Variants in PITPNA observed in about 807,000 individuals in gnomAD.
PITPNA encodes the protein phosphatidylinositol transfer protein alpha, also known as phosphatidylinositol transfer protein alpha isoform.
In PITPNA, 13 loss-of-function variants were observed where a neutral mutation model predicts 50.3. The ratio of observed to expected loss-of-function variants is 0.26; its 90% confidence interval spans 0.17 to 0.41. PITPNA has a LOEUF of 0.41. Among genes scored for constraint, PITPNA ranks in the 10% least tolerant of loss-of-function variants. The pLI is 1.00. For synonymous variants in PITPNA, 120 were observed against 119.6 expected, an observed-to-expected ratio of 1.00 and a Z score of -0.02; for missense variants, 207 against 333.4, an observed-to-expected ratio of 0.62 and a Z score of 2.95.
chr17:1,518,075 A>G lies in PITPNA; in HGVS notation c.*2486T>C, dbSNP rs1320375967. ...ACAAAAAGGCACAAACTCACATTAA[A>G]TAAACAAGGTAATCTAATCAATTCT... On this transcript the variant is annotated 3_prime_UTR_variant, in exon 12 of 12. Transcript: ENST00000313486. The G allele has an allele frequency of 1.3e-5, 2 of 152,680 alleles. No individual in the cohort carries two copies. Among genetic ancestry groups the G allele is most frequent in the African/African-American group, 4.8e-5 (2 of 41,470 alleles). 9.5% of individuals were successfully genotyped at this position (152,680 alleles called of 1,614,324 possible). A position where few individuals can be genotyped will look rare whatever the true frequency, so the allele number is the denominator to read the frequency against.
rs2075478361 is a variant in PITPNA, at chr17:1,518,093, T to G, written c.*2468A>C. On this transcript the variant is annotated 3_prime_UTR_variant, in exon 12 of 12. Transcript: ENST00000313486. ...ACATTAAATAAACAAGGTAATCTAA[T>G]CAATTCTACAAAGTGTAGTTTGTAA... is the stretch of plus-strand genomic sequence containing the variant. The G allele has an allele frequency of 6.6e-6, 1 of 152,628 alleles. No homozygotes were observed. Among genetic ancestry groups the G allele is most frequent in the Non-Finnish European group, 1.5e-5 (1 of 68,046 alleles). The allele number at this position is 152,628 out of a possible 1,614,324, so 9.5% of individuals were successfully genotyped here. A position where few individuals can be genotyped will look rare whatever the true frequency, so the allele number is the denominator to read the frequency against.
At chr17:1,551,144 T>C (rs943797821) in intron 3 of PITPNA, among the ~76,000 whole-genome samples, 4 of 151,384 alleles carry the variant, frequency 2.6e-5, no homozygotes, top group Admixed American at 6.6e-5. Flanking sequence ...CCTGATGCGA[T>C]AAGAAGGGCG....
At chr17:1,541,701 C>G (rs1246693535) in intron 5 of PITPNA, 61 bp from the exon 6 acceptor site, 1 of 1,063,962 alleles carries the variant, frequency 9.4e-7, no homozygotes, top group Non-Finnish European at 1.4e-6. Flanking sequence ...GTAACCATCT[C>G]CCATTACTGG....
At chr17:1,539,894 G>A (rs924522980) in intron 6 of PITPNA, among the ~76,000 whole-genome samples, 9 of 152,190 alleles carry the variant, frequency 5.9e-5, no homozygotes, top group African/African-American at 1.4e-4. Context: ...GGGCTACCAC[G>A]CCCAGCTAAT....
At chr17:1,549,131 C>T (rs1184140518) in intron 3 of PITPNA, among the ~76,000 whole-genome samples, 1 of 151,852 alleles carries the variant, frequency 6.6e-6, no homozygotes, top group Non-Finnish European at 1.5e-5. Flanking sequence ...TGGTCTTGAA[C>T]TCCTGACCTC....
Position 1,523,776 on chromosome 17 carries a change from T to C in PITPNA, c.769-2131A>G, listed in dbSNP as rs146661817. On this transcript the variant is annotated intron_variant, in intron 10 of 11. Coordinates refer to ENST00000313486, the MANE Select transcript of PITPNA (RefSeq NM_006224.4). ...TGCCTGCCTCAGCCTCCCAAAGTGC[T>C]GGGATTACAGGCGTGAGCCACTGCA... Among the ~76,000 whole-genome samples, 1,055 of 152,288 alleles carry C rather than the reference T, an allele frequency of 6.9e-3. 17 individuals are homozygous for C. The highest frequency in any genetic ancestry group is 0.024 in the African/African-American group (1,011 of 41,582).
rs563228853 is a variant in PITPNA at position 1,522,134 on chromosome 17, C to T, written c.769-489G>A. Among the ~76,000 whole-genome samples, 1,148 of 149,132 alleles carry T rather than the reference C, an allele frequency of 7.7e-3. 31 individuals carry two copies. Among genetic ancestry groups the T allele is most frequent in the African/African-American group, 0.027 (1,075 of 39,622 alleles). On this transcript the variant is annotated intron_variant, in intron 10 of 11. Coordinates refer to ENST00000313486, the MANE Select transcript of PITPNA (RefSeq NM_006224.4). Reference sequence around the variant, plus strand: ...GGCCGGACTGCGGACTGCAGTGGCGCAATCTCGGCTCACTGCAAGCTCCGC... The same window carrying T: ...GGCCGGACTGCGGACTGCAGTGGCGTAATCTCGGCTCACTGCAAGCTCCGC...
At chr17:1,556,161 G>C (rs1015338943) in intron 2 of PITPNA, among the ~76,000 whole-genome samples, 1 of 152,106 alleles carries the variant, frequency 6.6e-6, no homozygotes, top group Non-Finnish European at 1.5e-5. Flanking sequence ...TTTCTTCTTC[G>C]GCCTTCCCCT....
rs73298824 is a variant in PITPNA, at chr17:1,561,511, G to A, written c.20+1030C>T. Among the ~76,000 whole-genome samples, 1,313 of 151,952 alleles carry A rather than the reference G, an allele frequency of 8.6e-3. 22 individuals carry two copies. The highest frequency in any genetic ancestry group is 0.03 in the African/African-American group (1,248 of 41,410). On this transcript the variant is annotated intron_variant, in intron 1 of 11. Transcript: ENST00000313486. ...TGCCCTGGTCTCCCCCATCTCCAACGGCAGGTATACTCATCCCAACATACT... is the reference window on the plus strand; with the variant it reads ...TGCCCTGGTCTCCCCCATCTCCAACAGCAGGTATACTCATCCCAACATACT...
At chr17:1,533,259 G>T (rs1002101270) in intron 10 of PITPNA, among the ~76,000 whole-genome samples, 23 of 151,944 alleles carry the variant, frequency 1.5e-4, no homozygotes, top group African/African-American at 5.3e-4. Flanking sequence ...GAGTACAGGG[G>T]AGTGATTAAG....
chr17:1,539,704 C>A (rs1265106997), intron 6 of PITPNA, among the ~76,000 whole-genome samples: 3 of 152,254 alleles, frequency 2.0e-5, no homozygotes, highest in African/African-American at 7.2e-5. Context: ...TCCTGAGGAG[C>A]TGGGACTATA....
chr17:1,546,552 G>A (rs970028134), intron 4 of PITPNA, among the ~76,000 whole-genome samples: 19 of 152,202 alleles, frequency 1.2e-4, no homozygotes, highest in African/African-American at 4.3e-4. Flanking sequence ...AAGAAAGCAA[G>A]TGCAGGAGGA....
At chr17:1,535,703 T>C in intron 7 of PITPNA, 185 bp from the exon 8 acceptor site, 1 of 604,322 alleles carries the variant, frequency 1.7e-6, no homozygotes, top group East Asian at 2.8e-5. Flanking sequence ...GAGAGTTCTA[T>C]GTGATTTTCT....
chr17:1,525,349 A>G (rs571952988), intron 10 of PITPNA, among the ~76,000 whole-genome samples: 2 of 152,094 alleles, frequency 1.3e-5, no homozygotes, highest in Non-Finnish European at 2.9e-5. Context: ...CGTTCCAGAC[A>G]CTGTCCTATA....
At chr17:1,529,137 CA>C (rs67568232) in intron 10 of PITPNA, among the ~76,000 whole-genome samples, 34,771 of 91,038 alleles carry the variant, frequency 0.38, 6,885 homozygotes, top group South Asian at 0.53. Context: ...GACTCCATCT[CA>C]AAAAAAAAAA....
intron 2 of PITPNA, among the ~76,000 whole-genome samples, chr17:1,557,841 C>T (rs1229559199): frequency 6.6e-6 from 1 of 152,200 alleles, no homozygotes; most frequent in Non-Finnish European, 1.5e-5. Context: ...AAGAGATTTC[C>T]TGCCCTGCTG....
intron 10 of PITPNA, among the ~76,000 whole-genome samples, chr17:1,524,046 T>C (rs1184330043): frequency 0.31 from 11 of 36 alleles, no homozygotes; most frequent in African/African-American, 0.45. Flanking sequence ...TTCTTTTTTC[T>C]TTTTTTTTTT....
At chr17:1,527,924 A>G (rs1043675912) in intron 10 of PITPNA, among the ~76,000 whole-genome samples, 6 of 152,236 alleles carry the variant, frequency 3.9e-5, no homozygotes, top group Non-Finnish European at 4.4e-5. Context: ...GCCCACGCCT[A>G]CAATCCCAAC....
rs2075698339 is a variant in PITPNA, at chr17:1,549,713, T to C, written c.198-1326A>G. On this transcript the variant is annotated intron_variant, in intron 3 of 11. Coordinates refer to ENST00000313486, the MANE Select transcript of PITPNA (RefSeq NM_006224.4). ...TTTTTTGAGATGGAGCCTTGCTCTG[T>C]CGCCAGGCTGGAGTGCAGTGGCACG... Among the ~76,000 whole-genome samples, 5 of 144,116 alleles carry C rather than the reference T, an allele frequency of 3.5e-5. 1 individual carries two copies. In the South Asian group the frequency reaches 1.1e-3, roughly 31 times the overall value. 94.5% of individuals were successfully genotyped at this position (144,116 alleles called of 152,430 possible).
Sources: gnomAD v4.1 joint callset for allele counts (sites outside exome capture counted in the v4.1 genomes callset) on GRCh38, gnomAD v4.1.1 for gene constraint, MANE v1.5 for transcripts, NCBI Gene and HGNC (gene_info 2026-07-23, HGNC 2026-07-21) for gene names.